ZMAT4: variants seen among roughly 807,000 people sequenced by gnomAD.
The protein encoded by ZMAT4 is zinc finger matrin-type protein 4.
In ZMAT4, 17 loss-of-function variants were observed where a neutral mutation model predicts 28.7. That is an observed-to-expected ratio of 0.59 (90% CI 0.41 to 0.89). The LOEUF (loss-of-function observed/expected upper bound fraction) is 0.89. Ranked by LOEUF, ZMAT4 falls within the 40% of genes least tolerant of loss-of-function variation. The probability of loss-of-function intolerance (pLI) is 0.00; values close to 1 mark genes in which losing one functional copy is unlikely to be tolerated. For missense variants in ZMAT4, 240 were observed against 283.8 expected, an observed-to-expected ratio of 0.85 and a Z score of 1.11; for synonymous variants, 117 against 109.2, an observed-to-expected ratio of 1.07 and a Z score of -0.44.
At chr8:40,837,932 C>T (rs1266454886) in intron 1 of ZMAT4, among the ~76,000 whole-genome samples, 2 of 152,244 alleles carry the variant, frequency 1.3e-5, no homozygotes, top group Non-Finnish European at 2.9e-5. Context: ...ATGCTCCTCA[C>T]CCCTGGCACA....
At chr8:40,682,159 T>G (rs1479494599) in intron 4 of ZMAT4, among the ~76,000 whole-genome samples, 1 of 152,162 alleles carries the variant, frequency 6.6e-6, no homozygotes, top group Non-Finnish European at 1.5e-5. Context: ...TACTCCCCCA[T>G]GTAGATGGAA....
At chr8:40,853,489 G>T (rs1817187498) in intron 1 of ZMAT4, among the ~76,000 whole-genome samples, 1 of 152,158 alleles carries the variant, frequency 6.6e-6, no homozygotes, top group South Asian at 2.1e-4. Flanking sequence ...CCAGGAGGAA[G>T]AGGTTGCAGT....
At chr8:40,886,988 G>A (rs900451726) in intron 1 of ZMAT4, among the ~76,000 whole-genome samples, 1 of 151,962 alleles carries the variant, frequency 6.6e-6, no homozygotes, top group African/African-American at 2.4e-5. Context: ...TGGCTAACAT[G>A]GTGAAACCCC....
At chr8:40,708,297 G>A (rs7017193) in intron 3 of ZMAT4, among the ~76,000 whole-genome samples, 68,624 of 151,926 alleles carry the variant, frequency 0.45, 15,849 homozygotes, top group Non-Finnish European at 0.5. Context: ...CATCCCCACA[G>A]CAGATTATAA....
rs142682802 is a variant in ZMAT4, at chr8:40,817,613, C to T, written c.102+7962G>A. On this transcript the variant is annotated intron_variant, in intron 2 of 6. Coordinates refer to ENST00000297737, the MANE Select transcript of ZMAT4 (RefSeq NM_024645.3). ...TCTGGTTGAGAAATGTCACTGTTAT[C>T]GTCACCATTGAAAAGTGTAGGGGAA... Among the ~76,000 whole-genome samples the T allele has an allele frequency of 1.5e-3, 225 of 152,266 alleles. 1 individual carries two copies. Among genetic ancestry groups the T allele is most frequent in the African/African-American group, 5.0e-3 (206 of 41,550 alleles).
At chr8:40,854,256 T>G (rs1817217663) in intron 1 of ZMAT4, among the ~76,000 whole-genome samples, 1 of 152,202 alleles carries the variant, frequency 6.6e-6, no homozygotes. Flanking sequence ...CCTTATGTTC[T>G]GAACCACCAT....
At chr8:40,719,602 C>T (rs183830976) in intron 3 of ZMAT4, among the ~76,000 whole-genome samples, 63 of 151,720 alleles carry the variant, frequency 4.2e-4, no homozygotes, top group African/African-American at 1.3e-3. Context: ...TTTTTTGAGA[C>T]GGAGTCACCC....
chr8:40,726,558 C>T (rs967184904), intron 3 of ZMAT4, among the ~76,000 whole-genome samples: 5 of 152,164 alleles, frequency 3.3e-5, no homozygotes, highest in African/African-American at 7.2e-5. Context: ...TTCCGTGTCC[C>T]CATCAACCTA....
intron 5 of ZMAT4, among the ~76,000 whole-genome samples, chr8:40,649,527 G>C (rs1585816296): frequency 6.6e-6 from 1 of 152,194 alleles, no homozygotes; most frequent in East Asian, 1.9e-4. Context: ...GAGACAGAAA[G>C]TCAACAAGGA....
chr8:40,560,744 A>G (rs1000845507), intron 6 of ZMAT4, among the ~76,000 whole-genome samples: 10 of 152,102 alleles, frequency 6.6e-5, no homozygotes, highest in Non-Finnish European at 1.3e-4. Context: ...AGCTGCTATG[A>G]CTTCGAGACT....
At chr8:40,575,200 C>T (rs1447693809) in intron 6 of ZMAT4, among the ~76,000 whole-genome samples, 1 of 152,174 alleles carries the variant, frequency 6.6e-6, no homozygotes, top group African/African-American at 2.4e-5. Flanking sequence ...AACCTGCCCC[C>T]AGATAGTCTT....
At chr8:40,853,524 C>A (rs1817188721) in intron 1 of ZMAT4, among the ~76,000 whole-genome samples, 1 of 152,090 alleles carries the variant, frequency 6.6e-6, no homozygotes. Flanking sequence ...CCACTGCACT[C>A]CAGCCCGAGT....
At chr8:40,700,311 A>T (rs1277104348) in intron 3 of ZMAT4, among the ~76,000 whole-genome samples, 1 of 151,890 alleles carries the variant, frequency 6.6e-6, no homozygotes, top group East Asian at 1.9e-4. Context: ...TCTTAAAGGA[A>T]ATGCTGGAAT....
chr8:40,706,627 A>G (rs1810364939), intron 3 of ZMAT4, among the ~76,000 whole-genome samples: 2 of 152,174 alleles, frequency 1.3e-5, no homozygotes, highest in African/African-American at 2.4e-5. Context: ...ATTCCTTATC[A>G]TGACATTTAA....
chr8:40,573,135 C>A (rs1190939917), intron 6 of ZMAT4, among the ~76,000 whole-genome samples: 1 of 152,170 alleles, frequency 6.6e-6, no homozygotes, highest in Non-Finnish European at 1.5e-5. Context: ...CTCCAGTTAT[C>A]CATGGTGGCA....
chr8:40,891,329 C>T (rs1818679030), intron 1 of ZMAT4, among the ~76,000 whole-genome samples: 1 of 117,446 alleles, frequency 8.5e-6, no homozygotes, highest in African/African-American at 3.3e-5. Context: ...GTGGTAAGGA[C>T]ACATGGTGGT....
chr8:40,670,410 T>G (rs1400471320), intron 5 of ZMAT4, among the ~76,000 whole-genome samples: 1 of 152,166 alleles, frequency 6.6e-6, no homozygotes, highest in Non-Finnish European at 1.5e-5. Context: ...TAATCCTACA[T>G]GTAAAAGTTA....
chr8:40,848,524 G>A lies in ZMAT4; in HGVS notation c.-4-22844C>T, dbSNP rs146988737. ...GCTGTACATGATTGAGGAGGAAAAAGCACAGGCTCTGGGGACACAGGCAGC... is the reference window on the plus strand; with the variant it reads ...GCTGTACATGATTGAGGAGGAAAAAACACAGGCTCTGGGGACACAGGCAGC... On this transcript the variant is annotated intron_variant, in intron 1 of 6. Coordinates refer to ENST00000297737, the MANE Select transcript of ZMAT4 (RefSeq NM_024645.3). Among the ~76,000 whole-genome samples the A allele has an allele frequency of 7.2e-5, 11 of 152,326 alleles. No homozygotes were observed. The East Asian group carries it at 2.1e-3, about 29-fold the overall frequency.
At chr8:40,600,159 A>G (rs1344974535) in intron 5 of ZMAT4, among the ~76,000 whole-genome samples, 3 of 152,154 alleles carry the variant, frequency 2.0e-5, no homozygotes, top group Non-Finnish European at 4.4e-5. Flanking sequence ...GTATACATGT[A>G]TTGGGGCTAT....
Sources: gnomAD v4.1 joint callset for allele counts (sites outside exome capture counted in the v4.1 genomes callset) on GRCh38, gnomAD v4.1.1 for gene constraint, MANE v1.5 for transcripts, NCBI Gene and HGNC (gene_info 2026-07-23, HGNC 2026-07-21) for gene names.